The following PLEKHA4 variants were observed in gnomAD, a reference collection of about 807,000 sequenced individuals.
PLEKHA4 encodes pleckstrin homology domain containing A4, also known as pleckstrin homology domain-containing family A member 4.
Under a neutral mutation model 94.7 loss-of-function variants are expected in PLEKHA4, and 73 were observed. The observed-to-expected ratio is 0.77, with a 90% CI of 0.64 to 0.94. PLEKHA4 has a LOEUF of 0.94. PLEKHA4 is among the 40% of genes least tolerant of loss of function. The pLI is 0.00. For synonymous variants in PLEKHA4, 449 were observed against 437.1 expected (o/e 1.03, Z -0.34); for missense variants, 1,049 against 1,054.1 (o/e 1.00, Z 0.07).
intron 13 of PLEKHA4, among the ~76,000 whole-genome samples, chr19:48,851,748 A>C (rs1421356922): frequency 2.0e-5 from 3 of 152,044 alleles, no homozygotes; most frequent in South Asian, 4.1e-4. Flanking sequence ...TGAGGTCAGG[A>C]GTTCAAGACC....
chr19:48,859,202 C>T (rs2036544218), intron 7 of PLEKHA4, 63 bp from the exon 8 acceptor site: 1 of 1,274,044 alleles, frequency 7.8e-7, no homozygotes, highest in African/African-American at 1.5e-5. Context: ...ACCTCCTTAC[C>T]CATCAAGTCA....
chr19:48,849,345 A>G (rs775632789), intron 13 of PLEKHA4, among the ~76,000 whole-genome samples: 7 of 150,718 alleles, frequency 4.6e-5, no homozygotes, highest in Non-Finnish European at 7.4e-5. Flanking sequence ...GTCTCTCCCT[A>G]TCACCCAGGC....
At chr19:48,847,726 C>A (rs1443498027) in intron 14 of PLEKHA4, among the ~76,000 whole-genome samples, 174 bp downstream of exon 14, 3 of 151,954 alleles carry the variant, frequency 2.0e-5, no homozygotes, top group Non-Finnish European at 2.9e-5. Context: ...AGTGAGACTA[C>A]GTCTCAAAAA....
chr19:48,855,277 T>C (rs540681234), intron 9 of PLEKHA4, among the ~76,000 whole-genome samples: 212 of 150,330 alleles, frequency 1.4e-3, no homozygotes, highest in Admixed American at 4.1e-3. Flanking sequence ...CTGGGCAACA[T>C]AGGGAGACCT....
chr19:48,855,938 C>T (rs1472310944), intron 9 of PLEKHA4, among the ~76,000 whole-genome samples: 4 of 151,564 alleles, frequency 2.6e-5, no homozygotes, highest in South Asian at 2.1e-4. Flanking sequence ...TTTGGGAGGC[C>T]GAGGCAGGCA....
intron 3 of PLEKHA4, among the ~76,000 whole-genome samples, chr19:48,862,344 G>GCCC (rs1461768712): frequency 1.3e-5 from 2 of 150,802 alleles, no homozygotes; most frequent in Non-Finnish European, 3.0e-5. Flanking sequence ...GGGATTACAG[G>GCCC]CACGCACCAC....
rs1353612617 is a variant in PLEKHA4 at position 48,837,387 on chromosome 19, A to C, written c.2242T>G (p.Trp748Gly). 3 of 1,613,340 alleles carry C rather than the reference A, an allele frequency of 1.9e-6. No homozygotes were observed. The highest frequency in any genetic ancestry group is 1.3e-5 in the African/African-American group (1 of 74,872). ...GSGRGGGPTP[W>G]GPAWDAGIAP... Reference sequence around the variant, plus strand: ...ATCCCGGCATCCCACGCGGGCCCCCAGGGGGTGGGACCTCCTCCACGCCCA... The same window carrying C: ...ATCCCGGCATCCCACGCGGGCCCCCCGGGGGTGGGACCTCCTCCACGCCCA... Residue 748 changes from tryptophan to glycine, a missense_variant, in exon 20 of 20, where the codon TGG (tryptophan) becomes GGG (glycine). Coordinates refer to ENST00000263265, the MANE Select transcript of PLEKHA4 (RefSeq NM_020904.3). The surrounding 1 kb of genome is among the most constrained non-coding windows in gnomAD (Gnocchi z 4.3).
rs183006348 is a variant in PLEKHA4, at chr19:48,850,279, G to A, written c.1425+1949C>T. On this transcript the variant is annotated intron_variant, in intron 13 of 19. Transcript: ENST00000263265. The stretch of plus-strand genomic sequence containing the variant: ...CCAGCACTTTGGGAGGCCGAGGCGG[G>A]TGGATCATGAGGTCAAGAGATCTAG... Among the ~76,000 whole-genome samples, 535 of 152,054 alleles carry A rather than the reference G, an allele frequency of 3.5e-3. 4 individuals are homozygous for A. Among genetic ancestry groups the A allele is most frequent in the African/African-American group, 0.012 (518 of 41,472 alleles).
rs1476564640 is a variant in PLEKHA4, at chr19:48,867,864, G to C, written c.-7+219C>G. On this transcript the variant is annotated intron_variant, in intron 1 of 19. Coordinates refer to ENST00000263265, the MANE Select transcript of PLEKHA4 (RefSeq NM_020904.3). This position sits in a 1 kb window ranked among gnomAD's most constrained non-coding sequence, Gnocchi z 4.7. ...CTGCAGCCCAGGCCAGAGAATAGGG[G>C]CTTCTTTATTCCTGCCCACTGCACT... Among the ~76,000 whole-genome samples the C allele has an allele frequency of 6.6e-6, 1 of 152,074 alleles. No individual in the cohort carries two copies. The highest frequency in any genetic ancestry group is 1.9e-4 in the East Asian group (1 of 5,180).
Position 48,860,339 on chromosome 19 carries a change from C to CCT in PLEKHA4, c.476+9_476+10dup. On this transcript the variant is annotated intron_variant, in intron 6 of 19. Coordinates refer to ENST00000263265, the MANE Select transcript of PLEKHA4 (RefSeq NM_020904.3). The stretch of plus-strand genomic sequence containing the variant: ...TGGAGGGTCAGGAGCATGGCTTGGA[C>CCT]CTCTACTCACTAGTCGTCCCCCTCC... 6.2e-7 allele frequency: 1 copy of CCT among 1,608,158 alleles called. No homozygotes were observed. The highest frequency in any genetic ancestry group is 8.5e-7 in the Non-Finnish European group (1 of 1,175,452).
At position 48,867,245 on chromosome 19, in the gene PLEKHA4, C is replaced by G. The variant is rs954138392; in HGVS notation, c.84+292G>C. 9.3e-6 allele frequency among the ~76,000 whole-genome samples: 1 copy of G among 107,068 alleles called. No homozygotes were observed. The highest frequency in any genetic ancestry group is 2.2e-5 in the Non-Finnish European group (1 of 45,056). 70.2% of individuals were successfully genotyped at this position (107,068 alleles called of 152,430 possible). ...TGGCACTAATCAAGAGCAGCCACTA[C>G]TTCTCAGAACTCGAGGGGCCTCATG... On this transcript the variant is annotated intron_variant, in intron 2 of 19. Coordinates refer to ENST00000263265, the MANE Select transcript of PLEKHA4 (RefSeq NM_020904.3). This position sits in a 1 kb window ranked among gnomAD's most constrained non-coding sequence, Gnocchi z 4.7.
rs1304811410 is a variant in PLEKHA4, at chr19:48,868,276, T to C, written c.-200A>G. 6.6e-6 allele frequency: 1 copy of C among 152,220 alleles called. No individual in the cohort carries two copies. The highest frequency in any genetic ancestry group is 2.4e-5 in the African/African-American group (1 of 41,368). The allele number at this position is 152,220 out of a possible 1,614,324, so 9.4% of individuals were successfully genotyped here. A position where few individuals can be genotyped will look rare whatever the true frequency, so the allele number is the denominator to read the frequency against. On this transcript the variant is annotated 5_prime_UTR_variant, in exon 1 of 20. The change abolishes the stop of an existing upstream ORF in the 5' untranslated region. Coordinates refer to ENST00000263265, the MANE Select transcript of PLEKHA4 (RefSeq NM_020904.3). Reference sequence around the variant, plus strand: ...GGTCTCTCTCTCTCTCTCTTCCTTTTACACTACCTCTCTCCCCACTCTCAC... The same window carrying C: ...GGTCTCTCTCTCTCTCTCTTCCTTTCACACTACCTCTCTCCCCACTCTCAC...
chr19:48,848,153 A>G (rs2036039313), intron 13 of PLEKHA4, 113 bp from the exon 14 acceptor site: 1 of 1,226,574 alleles, frequency 8.2e-7, no homozygotes, highest in Non-Finnish European at 1.1e-6. Context: ...TGGAGTTGGG[A>G]TTTATTTTTT....
Position 48,837,302 on chromosome 19 carries a change from T to G in PLEKHA4, c.2327A>C (p.Gln776Pro), listed in dbSNP as rs763288404. The G allele has an allele frequency of 1.2e-6, 2 of 1,613,824 alleles. No individual in the cohort carries two copies. Among genetic ancestry groups the G allele is most frequent in the African/African-American group, 2.7e-5 (2 of 74,914 alleles). The change falls in exon 20 of 20, where the codon CAA (glutamine) becomes CCA (proline). Residue 776 changes from glutamine (Q) to proline (P), a missense_variant. Transcript: ENST00000263265. The surrounding 1 kb of genome is among the most constrained non-coding windows in gnomAD (Gnocchi z 4.3). ...CTTTTGGGCGGATTAGAAGCTGGATTGTAGCAGAGTGACTCGCAGAGGCCA... is the reference window on the plus strand; with the variant it reads ...CTTTTGGGCGGATTAGAAGCTGGATGGTAGCAGAGTGACTCGCAGAGGCCA... The part of the protein sequence containing the change: ...GAWPLRVTLL[Q>P]SSF
chr19:48,862,421 G>T (rs2036678677), intron 3 of PLEKHA4, among the ~76,000 whole-genome samples: 1 of 151,852 alleles, frequency 6.6e-6, no homozygotes, highest in African/African-American at 2.4e-5. Context: ...GGCTGGTCTT[G>T]AACTCCTGAC....
intron 13 of PLEKHA4, among the ~76,000 whole-genome samples, chr19:48,850,407 G>A (rs531874602): frequency 2.6e-5 from 4 of 152,162 alleles, no homozygotes; most frequent in South Asian, 4.1e-4. Context: ...GGGAAGCTGC[G>A]GCAGGAGAAT....
At chr19:48,839,072 G>A (rs1251101639) in intron 18 of PLEKHA4, 133 bp downstream of exon 18, 6 of 483,300 alleles carry the variant, frequency 1.2e-5, no homozygotes, top group East Asian at 6.6e-5. Flanking sequence ...CAGATGCCCC[G>A]GGAACTTAAG....
chr19:48,859,731 C>T, intron 6 of PLEKHA4, 47 bp from the exon 7 acceptor site: 1 of 1,533,514 alleles, frequency 6.5e-7, no homozygotes, highest in Non-Finnish European at 8.9e-7. Flanking sequence ...AACTTCATAA[C>T]AGCCCTATTC....
intron 8 of PLEKHA4, among the ~76,000 whole-genome samples, chr19:48,858,509 C>A (rs1168531507): frequency 2.6e-5 from 4 of 151,550 alleles, no homozygotes; most frequent in Non-Finnish European, 5.9e-5. Flanking sequence ...TGCCTGTAAT[C>A]CTAGCTACTC....
Sources: gnomAD v4.1 joint callset for allele counts (sites outside exome capture counted in the v4.1 genomes callset) on GRCh38, gnomAD v4.1.1 for gene constraint, Gnocchi (gnomAD v3.1) non-coding constraint, MANE v1.5 for transcripts, NCBI Gene and HGNC (gene_info 2026-07-23, HGNC 2026-07-21) for gene names.